Variants in ZFHX3 observed in about 807,000 individuals in gnomAD.
ZFHX3 encodes the protein zinc finger homeobox protein 3.
A neutral mutation model predicts 279.1 loss-of-function variants in ZFHX3; 42 were observed. The observed-to-expected ratio is 0.15, with a 90% CI of 0.12 to 0.19. The LOEUF is 0.19. Among genes scored for constraint, ZFHX3 ranks in the 10% least tolerant of loss-of-function variants. The probability of loss-of-function intolerance (pLI) is 1.00; values close to 1 mark genes in which losing one functional copy is unlikely to be tolerated. For missense variants in ZFHX3, 4,981 were observed against 4,754.0 expected, an observed-to-expected ratio of 1.05 and a Z score of -1.40; for synonymous variants, 2,293 against 1,957.8, an observed-to-expected ratio of 1.17 and a Z score of -4.52.
intron 1 of ZFHX3, among the ~76,000 whole-genome samples, chr16:72,977,257 A>G (rs1193474939): frequency 1.3e-5 from 2 of 151,992 alleles, no homozygotes; most frequent in Non-Finnish European, 2.9e-5. Context: ...TAAACTCCAC[A>G]CACAGTGCAG....
chr16:73,505,473 C>A (rs893565842), intron 2 of ZFHX3, among the ~76,000 whole-genome samples: 1 of 151,818 alleles, frequency 6.6e-6, no homozygotes, highest in South Asian at 2.1e-4. Context: ...AGGGGCAATT[C>A]GTCTCCTTAT....
chr16:73,801,869 T>C (rs1466125719), intron 1 of ZFHX3, among the ~76,000 whole-genome samples: 19 of 152,218 alleles, frequency 1.2e-4, no homozygotes. Flanking sequence ...TTACTTTCTC[T>C]GCCTCAGTTG....
At chr16:73,628,645 G>C (rs944556221) in intron 2 of ZFHX3, among the ~76,000 whole-genome samples, 9 of 152,162 alleles carry the variant, frequency 5.9e-5, no homozygotes, top group African/African-American at 2.2e-4. Context: ...GAGAGCACTT[G>C]TGTCTCTTTT....
At chr16:73,218,317 G>C (rs2012286268) in intron 5 of ZFHX3, among the ~76,000 whole-genome samples, 1 of 152,166 alleles carries the variant, frequency 6.6e-6, no homozygotes, top group Non-Finnish European at 1.5e-5. Context: ...TCTCATAACA[G>C]AGATGCGATG....
At chr16:73,456,563 A>G (rs1217232045) in intron 2 of ZFHX3, among the ~76,000 whole-genome samples, 1 of 152,364 alleles carries the variant, frequency 6.6e-6, no homozygotes, top group Middle Eastern at 3.4e-3. Context: ...ATAGGACACT[A>G]TGTTCTGATA....
chr16:73,144,815 G>A (rs1001720948), intron 5 of ZFHX3, among the ~76,000 whole-genome samples: 5 of 152,078 alleles, frequency 3.3e-5, no homozygotes, highest in African/African-American at 1.2e-4. Context: ...CTGCACTGAA[G>A]AGCATATCTT....
intron 2 of ZFHX3, among the ~76,000 whole-genome samples, chr16:73,572,168 T>TAAAA (rs36024411): frequency 1.4e-5 from 2 of 140,226 alleles, no homozygotes; most frequent in Admixed American, 1.4e-4. Context: ...TAAATATTCT[T>TAAAA]AAAAAAAAAA....
At position 73,344,498 on chromosome 16, in the gene ZFHX3, T is replaced by A. The variant is rs924544489; in HGVS notation, c.-1290-26162A>T. Among the ~76,000 whole-genome samples the A allele has an allele frequency of 3.3e-5, 5 of 152,288 alleles. No homozygotes were observed. In the South Asian group the frequency reaches 8.3e-4, roughly 25 times the overall value. ...CACATTCTTGGAAGGATGGAAAAAA[T>A]TTGAATTTGGACTGTGGATTCATTG... On this transcript the variant is annotated intron_variant, in intron 3 of 17. Coordinates refer to the ZFHX3 transcript ENST00000641206.
At chr16:73,708,415 C>A (rs986505153) in intron 1 of ZFHX3, among the ~76,000 whole-genome samples, 5 of 152,116 alleles carry the variant, frequency 3.3e-5, no homozygotes, top group Non-Finnish European at 7.3e-5. Flanking sequence ...TGTTGTATGA[C>A]ACAGGTTCAT....
chr16:73,053,198 G>C (rs545764114), intron 1 of ZFHX3, among the ~76,000 whole-genome samples: 1 of 151,972 alleles, frequency 6.6e-6, no homozygotes, highest in South Asian at 2.1e-4. Flanking sequence ...TTCTTTTTTG[G>C]AGGGGGGTTC....
intron 4 of ZFHX3, among the ~76,000 whole-genome samples, chr16:72,878,188 A>G (rs1567560712): frequency 6.6e-6 from 1 of 152,156 alleles, no homozygotes; most frequent in African/African-American, 2.4e-5. Flanking sequence ...CAAAAAAAGA[A>G]AACAAAAACA....
At chr16:73,861,265 T>C (rs1377793289) in intron 1 of ZFHX3, among the ~76,000 whole-genome samples, 1 of 152,160 alleles carries the variant, frequency 6.6e-6, no homozygotes, top group Non-Finnish European at 1.5e-5. Flanking sequence ...AAGTCCAGCA[T>C]GTTTTATGCA....
At chr16:73,068,761 G>A (rs374944979) in intron 8 of ZFHX3, among the ~76,000 whole-genome samples, 2 of 152,240 alleles carry the variant, frequency 1.3e-5, no homozygotes, top group East Asian at 1.9e-4. Flanking sequence ...ATAAGAGCAG[G>A]CAGAGACAGA....
At chr16:73,341,494 A>C (rs1325570706) in intron 3 of ZFHX3, among the ~76,000 whole-genome samples, 2 of 152,220 alleles carry the variant, frequency 1.3e-5, no homozygotes, top group Non-Finnish European at 2.9e-5. Context: ...CAGTGAAACT[A>C]CATTAAAACA....
At chr16:73,127,869 A>G (rs542536662) in intron 7 of ZFHX3, among the ~76,000 whole-genome samples, 1 of 152,198 alleles carries the variant, frequency 6.6e-6, no homozygotes, top group Non-Finnish European at 1.5e-5. Flanking sequence ...TTTTTCTTGA[A>G]TTAGATGTGA....
intron 3 of ZFHX3, among the ~76,000 whole-genome samples, chr16:73,349,259 C>T (rs780923300): frequency 1.5e-4 from 23 of 152,180 alleles, no homozygotes; most frequent in Non-Finnish European, 2.2e-4. Context: ...ATTCCCCCAG[C>T]TGCTTGTCAC....
At chr16:73,075,085 C>T (rs193016180) in intron 8 of ZFHX3, among the ~76,000 whole-genome samples, 1 of 152,104 alleles carries the variant, frequency 6.6e-6, no homozygotes, top group Non-Finnish European at 1.5e-5. Flanking sequence ...TGGGATTACA[C>T]GTGTGAGCTA....
At chr16:73,776,530 G>A (rs1278058533) in intron 1 of ZFHX3, among the ~76,000 whole-genome samples, 1 of 152,108 alleles carries the variant, frequency 6.6e-6, no homozygotes, top group African/African-American at 2.4e-5. Flanking sequence ...AATAATAATA[G>A]TAAAAATATG....
chr16:73,248,419 A>G (rs545946679), intron 5 of ZFHX3, among the ~76,000 whole-genome samples: 1 of 150,866 alleles, frequency 6.6e-6, no homozygotes, highest in East Asian at 2.0e-4. Flanking sequence ...CTGTGCATAT[A>G]ATGTGTCTTT....
Sources: allele counts gnomAD v4.1 joint callset (sites outside exome capture counted in the v4.1 genomes callset), GRCh38; gene constraint gnomAD v4.1.1; transcripts MANE v1.5; gene names NCBI Gene and HGNC (gene_info 2026-07-23, HGNC 2026-07-21).